Variants in DLG2 observed in about 807,000 individuals in gnomAD.
DLG2 encodes discs large MAGUK scaffold protein 2.
A neutral mutation model predicts 132.5 loss-of-function variants in DLG2; 45 were observed. The observed-to-expected ratio is 0.34, with a 90% CI of 0.27 to 0.44. The LOEUF (loss-of-function observed/expected upper bound fraction) is 0.44. DLG2 is among the 20% of genes least tolerant of loss of function. The probability of loss-of-function intolerance (pLI) is 1.00; values close to 1 mark genes in which losing one functional copy is unlikely to be tolerated. For missense variants in DLG2, 1,045 were observed against 1,196.9 expected, an observed-to-expected ratio of 0.87 and a Z score of 1.87; for synonymous variants, 424 against 419.6, an observed-to-expected ratio of 1.01 and a Z score of -0.13.
At chr11:85,523,704 T>A (rs533826535) in intron 3 of DLG2, among the ~76,000 whole-genome samples, 4 of 152,156 alleles carry the variant, frequency 2.6e-5, no homozygotes, top group African/African-American at 9.7e-5. Context: ...AGAACTACCA[T>A]ACAATCCAGA....
At chr11:84,065,896 T>C (rs1438434964) in intron 10 of DLG2, among the ~76,000 whole-genome samples, 1 of 152,174 alleles carries the variant, frequency 6.6e-6, no homozygotes, top group Non-Finnish European at 1.5e-5. Context: ...ATAAAAGTAA[T>C]GAGATCATGT....
intron 18 of DLG2, among the ~76,000 whole-genome samples, chr11:83,746,071 G>C (rs1183491501): frequency 6.6e-6 from 1 of 152,130 alleles, no homozygotes; most frequent in East Asian, 1.9e-4. Context: ...AAAAAGTCAG[G>C]AAACAACAGG....
intron 6 of DLG2, among the ~76,000 whole-genome samples, chr11:84,548,104 C>G (rs2099393985): frequency 6.6e-6 from 1 of 152,058 alleles, no homozygotes; most frequent in South Asian, 2.1e-4. Flanking sequence ...TATGACATCC[C>G]TGACAAAGTG....
intron 6 of DLG2, among the ~76,000 whole-genome samples, chr11:84,983,931 C>G (rs1347192268): frequency 6.6e-6 from 1 of 151,920 alleles, no homozygotes; most frequent in Non-Finnish European, 1.5e-5. Context: ...TTGAATTAAC[C>G]CAATCCAACA....
chr11:83,903,886 T>C (rs2074088804), intron 15 of DLG2, among the ~76,000 whole-genome samples: 1 of 152,314 alleles, frequency 6.6e-6, no homozygotes, highest in South Asian at 2.1e-4. Context: ...AAACTGCAGG[T>C]GGTAATGGAC....
intron 7 of DLG2, among the ~76,000 whole-genome samples, chr11:84,270,122 G>A (rs1464311590): frequency 6.6e-6 from 1 of 152,184 alleles, no homozygotes; most frequent in African/African-American, 2.4e-5. Flanking sequence ...AAATTGCAAA[G>A]CCTCTGATTT....
chr11:83,537,580 C>T (rs899441971), intron 20 of DLG2, among the ~76,000 whole-genome samples: 22 of 151,914 alleles, frequency 1.4e-4, no homozygotes, highest in Middle Eastern at 6.8e-3. Flanking sequence ...TTTGGGAGGC[C>T]GAGGCGGGCA....
intron 14 of DLG2, among the ~76,000 whole-genome samples, chr11:83,950,801 T>C (rs775632435): frequency 6.6e-6 from 1 of 152,162 alleles, no homozygotes; most frequent in Non-Finnish European, 1.5e-5. Flanking sequence ...TGGAAGAAGC[T>C]GTTCCTGACT....
At chr11:85,033,145 G>A (rs1174950660) in intron 6 of DLG2, among the ~76,000 whole-genome samples, 1 of 152,124 alleles carries the variant, frequency 6.6e-6, no homozygotes, top group Non-Finnish European at 1.5e-5. Context: ...GTTCTGAACT[G>A]TGAATAAGAT....
chr11:83,668,068 T>TAA (rs3040176), intron 18 of DLG2, among the ~76,000 whole-genome samples: 7 of 79,690 alleles, frequency 8.8e-5, no homozygotes, highest in East Asian at 4.0e-4. Flanking sequence ...GGAAATGAAG[T>TAA]AAAAAAAAAA....
chr11:84,596,383 T>TC (rs2099557458), intron 6 of DLG2, among the ~76,000 whole-genome samples: 1 of 150,254 alleles, frequency 6.7e-6, no homozygotes, highest in African/African-American at 2.4e-5. Flanking sequence ...AATTTTCTTT[T>TC]TTTTTTTTTT....
chr11:84,089,779 G>T (rs1367024503), intron 10 of DLG2, among the ~76,000 whole-genome samples: 1 of 152,160 alleles, frequency 6.6e-6, no homozygotes, highest in African/African-American at 2.4e-5. Flanking sequence ...TATGCTGAAG[G>T]CTAAGAGATT....
intron 6 of DLG2, among the ~76,000 whole-genome samples, chr11:84,801,442 G>A (rs2075365065): frequency 6.6e-6 from 1 of 152,156 alleles, no homozygotes; most frequent in South Asian, 2.1e-4. Context: ...GTGGTGGCGG[G>A]CGCCTGTAGT....
chr11:84,859,447 T>A lies in DLG2; in HGVS notation c.357+252214A>T, dbSNP rs866135684. On this transcript the variant is annotated intron_variant, in intron 6 of 27. Transcript: ENST00000376104. ...ATATACATATATATGTATATATACA[T>A]ACATATATACATATATATATATCCT... Among the ~76,000 whole-genome samples, 4 of 145,536 alleles carry A rather than the reference T, an allele frequency of 2.7e-5. No individual in the cohort carries two copies. The South Asian group carries it at 8.5e-4, about 31-fold the overall frequency.
At chr11:84,407,810 G>C (rs1567553134) in intron 7 of DLG2, among the ~76,000 whole-genome samples, 1 of 152,174 alleles carries the variant, frequency 6.6e-6, no homozygotes, top group Non-Finnish European at 1.5e-5. Context: ...ATGACATCTA[G>C]AGCCCAGGCT....
intron 18 of DLG2, among the ~76,000 whole-genome samples, chr11:83,661,058 T>C (rs2074131112): frequency 6.6e-6 from 1 of 152,192 alleles, no homozygotes; most frequent in Non-Finnish European, 1.5e-5. Flanking sequence ...TGATGCCCTT[T>C]GCTTGCTCTG....
Position 84,914,470 on chromosome 11 carries a change from C to T in DLG2, c.357+197191G>A, listed in dbSNP as rs533455300. 4.1e-4 allele frequency among the ~76,000 whole-genome samples: 63 copies of T among 152,308 alleles called. 1 individual carries two copies. Among genetic ancestry groups the T allele is most frequent in the African/African-American group, 1.5e-3 (62 of 41,568 alleles). ...GCAAATAGATTTCTTTCAACGGATG[C>T]TCAAACTTCAATTTGTTATGAAGTC... On this transcript the variant is annotated intron_variant, in intron 6 of 27. Coordinates refer to ENST00000376104, the MANE Select transcript of DLG2 (RefSeq NM_001142699.3).
intron 15 of DLG2, among the ~76,000 whole-genome samples, chr11:83,883,211 G>T (rs1475451413): frequency 3.5e-4 from 53 of 152,036 alleles, no homozygotes; most frequent in Non-Finnish European, 8.8e-5. Flanking sequence ...TATATGTGAG[G>T]GTCAAGATTT....
chr11:84,786,458 T>C (rs190936367), intron 6 of DLG2, among the ~76,000 whole-genome samples: 145 of 152,266 alleles, frequency 9.5e-4, no homozygotes, highest in African/African-American at 3.2e-3. Context: ...TTCCAGAAGT[T>C]AATAGCTAAA....
Sources: gnomAD v4.1 joint callset for allele counts (sites outside exome capture counted in the v4.1 genomes callset) on GRCh38, gnomAD v4.1.1 for gene constraint, MANE v1.5 for transcripts, NCBI Gene and HGNC (gene_info 2026-07-23, HGNC 2026-07-21) for gene names.